Variants in EML5 observed in about 807,000 individuals in gnomAD.
The protein encoded by EML5 is echinoderm microtubule-associated protein-like 5.
Under a neutral mutation model 250.0 loss-of-function variants are expected in EML5, and 120 were observed. That is an observed-to-expected ratio of 0.48 (90% confidence interval 0.41 to 0.56). The LOEUF (loss-of-function observed/expected upper bound fraction) is 0.56, where lower values mean the gene tolerates loss of function less well. Ranked by LOEUF, EML5 falls within the 20% of genes least tolerant of loss-of-function variation. The probability of loss-of-function intolerance (pLI) is 0.00; values close to 1 mark genes in which losing one functional copy is unlikely to be tolerated. For missense variants in EML5, 2,006 were observed against 2,437.6 expected (o/e 0.82, Z 3.73); for synonymous variants, 771 against 806.5 (o/e 0.96, Z 0.75).
intron 1 of EML5, among the ~76,000 whole-genome samples, chr14:88,765,746 TG>T (rs913085736): frequency 1.1e-4 from 17 of 152,208 alleles, no homozygotes; most frequent in Non-Finnish European, 4.4e-5. Context: ...TTGAGTCCCC[TG>T]GAGAATTATT....
chr14:88,621,061 A>G (rs2088825695), intron 38 of EML5, 52 bp downstream of exon 38: 4 of 1,546,842 alleles, frequency 2.6e-6, no homozygotes, highest in Non-Finnish European at 3.5e-6. Context: ...AGAACTTCCA[A>G]CTTTTCTTTT....
chr14:88,675,201 A>T (rs2092565939), intron 21 of EML5, among the ~76,000 whole-genome samples: 1 of 152,186 alleles, frequency 6.6e-6, no homozygotes, highest in Admixed American at 6.5e-5. Context: ...GGGACTCTGT[A>T]TGGGGGCTCC....
chr14:88,739,161 T>C (rs1414871461), intron 5 of EML5, 147 bp from the exon 6 acceptor site: 1 of 772,422 alleles, frequency 1.3e-6, no homozygotes, highest in East Asian at 2.8e-5. Context: ...AAAGAAAATC[T>C]AGAAGTAAGT....
chr14:88,693,734 T>C (rs531564624), intron 17 of EML5, among the ~76,000 whole-genome samples: 3 of 150,324 alleles, frequency 2.0e-5, no homozygotes, highest in Admixed American at 6.6e-5. Context: ...TATTCTCTTA[T>C]ACACTTCAGT....
intron 1 of EML5, among the ~76,000 whole-genome samples, chr14:88,756,347 A>G (rs1222704135): frequency 6.6e-6 from 1 of 152,216 alleles, no homozygotes; most frequent in Non-Finnish European, 1.5e-5. Context: ...AACTGAAGGA[A>G]ACTTCCTCAA....
intron 32 of EML5, 57 bp from the exon 33 acceptor site, chr14:88,634,546 C>T (rs955824623): frequency 1.0e-6 from 1 of 1,003,660 alleles, no homozygotes. Context: ...CTGTAAAAAC[C>T]CAAATATCAT....
intron 23 of EML5, among the ~76,000 whole-genome samples, chr14:88,663,432 A>G (rs2092197206): frequency 6.6e-6 from 1 of 152,114 alleles, no homozygotes; most frequent in Non-Finnish European, 1.5e-5. Flanking sequence ...ATATTTAGAA[A>G]AACTTTATGA....
At position 88,622,698 on chromosome 14, in the gene EML5, AC is replaced by A; in HGVS notation, c.4918del (p.Val1640LeufsTer8). On this transcript the variant is annotated frameshift_variant, in exon 37 of 44. Coordinates refer to ENST00000554922, the MANE Select transcript of EML5 (RefSeq NM_183387.3). LOFTEE classifies it high-confidence loss of function. ...CCTCAGTTCCTGATCCCACAGTTTA[AC>A]CGCTCCTCCTTCTTTTGACCTAAGT... ...KERPSKEGGAVKLWDQELRRC... is the reference protein window; with the variant it reads ...KERPSKEGGAXKLWDQELRRC... 6.2e-6 allele frequency: 10 copies of A among 1,608,046 alleles called. No individual in the cohort carries two copies. The highest frequency in any genetic ancestry group is 8.5e-6 in the Non-Finnish European group (10 of 1,177,078).
intron 43 of EML5, 57 bp downstream of exon 43, chr14:88,616,085 T>TTAAG: frequency 6.4e-7 from 1 of 1,562,980 alleles, no homozygotes; most frequent in Non-Finnish European, 8.8e-7. Flanking sequence ...AGTTGTTGTA[T>TTAAG]TAAGTCTCTT....
chr14:88,750,450 CAG>C (rs1484156043), intron 2 of EML5, among the ~76,000 whole-genome samples: 1 of 152,098 alleles, frequency 6.6e-6, no homozygotes, highest in Non-Finnish European at 1.5e-5. Flanking sequence ...AAATACCTCA[CAG>C]GGGTTACTGT....
In EML5 at chr14:88,736,667, C is replaced by T. The variant is rs933710406; in HGVS notation, c.848-102G>A. 98 of 1,124,352 alleles carry T rather than the reference C, an allele frequency of 8.7e-5. No homozygotes were observed. The Middle Eastern group carries it at 1.1e-3, about 13-fold the overall frequency. 69.6% of individuals were successfully genotyped at this position (1,124,352 alleles called of 1,614,324 possible). On this transcript the variant is annotated intron_variant, in intron 6 of 43. Transcript: ENST00000554922. ...AGATAGGGGCAAGTCCCGGTGAAAG[C>T]CAACCTTCAAACCTAAGACAGTTTA...
At chr14:88,675,522 C>T (rs1567104178) in intron 21 of EML5, among the ~76,000 whole-genome samples, 1 of 152,192 alleles carries the variant, frequency 6.6e-6, no homozygotes, top group Non-Finnish European at 1.5e-5. Context: ...GGGCCCGTGG[C>T]CTGGCCCACA....
chr14:88,643,388 TA>T (rs2091174512), intron 30 of EML5, among the ~76,000 whole-genome samples: 1 of 152,042 alleles, frequency 6.6e-6, no homozygotes, highest in African/African-American at 2.4e-5. Flanking sequence ...AAAAAAACAA[TA>T]AAAAATAACA....
intron 21 of EML5, among the ~76,000 whole-genome samples, chr14:88,675,672 G>A (rs1328888589): frequency 6.6e-6 from 1 of 152,198 alleles, no homozygotes; most frequent in Admixed American, 6.5e-5. Context: ...AACTTCTGCA[G>A]CTGGCTTGAA....
intron 13 of EML5, among the ~76,000 whole-genome samples, chr14:88,703,213 C>T (rs1027472312): frequency 6.6e-6 from 1 of 151,928 alleles, no homozygotes; most frequent in Non-Finnish European, 1.5e-5. Context: ...AAATTGTATA[C>T]TATAAAACAA....
chr14:88,661,979 GT>G, intron 24 of EML5, 149 bp from the exon 25 acceptor site: 1 of 744,952 alleles, frequency 1.3e-6, no homozygotes, highest in East Asian at 2.7e-5. Flanking sequence ...AGTTGTCTTG[GT>G]TTTGTAACTC....
At chr14:88,627,930 A>T (rs1567031000) in intron 33 of EML5, 111 bp from the exon 34 acceptor site, 1 of 1,008,842 alleles carries the variant, frequency 9.9e-7, no homozygotes, top group East Asian at 2.6e-5. Flanking sequence ...ACCAAACAAA[A>T]ACTGTACTTA....
intron 28 of EML5, among the ~76,000 whole-genome samples, 162 bp from the exon 29 acceptor site, chr14:88,647,117 C>A (rs933999081): frequency 1.3e-5 from 2 of 152,174 alleles, no homozygotes; most frequent in African/African-American, 4.8e-5. Context: ...AATCCCAGCA[C>A]TTTGGGAGCC....
At chr14:88,714,679 T>C (rs747315097) in intron 9 of EML5, among the ~76,000 whole-genome samples, 3 of 152,172 alleles carry the variant, frequency 2.0e-5, no homozygotes, top group Non-Finnish European at 4.4e-5. Context: ...CAATTTTTAA[T>C]GTCAATTATA....
Sources: allele counts gnomAD v4.1 joint callset (sites outside exome capture counted in the v4.1 genomes callset), GRCh38; gene constraint gnomAD v4.1.1; transcripts MANE v1.5; gene names NCBI Gene and HGNC (gene_info 2026-07-23, HGNC 2026-07-21).